ESYT3: variants seen among roughly 807,000 people sequenced by gnomAD.
ESYT3 encodes extended synaptotagmin-3.
ESYT3 carries 101 observed loss-of-function variants against 111.5 expected under a neutral mutation model. The ratio of observed to expected loss-of-function variants is 0.91; its 90% CI spans 0.77 to 1.07. The LOEUF (loss-of-function observed/expected upper bound fraction) is 1.07, where lower values mean the gene tolerates loss of function less well. Among genes scored for constraint, ESYT3 ranks in the 50% least tolerant of loss-of-function variants. The pLI is 0.00. For synonymous variants in ESYT3, 416 were observed against 446.8 expected (o/e 0.93, Z 0.87); for missense variants, 1,097 against 1,109.4 (o/e 0.99, Z 0.16).
intron 1 of ESYT3, among the ~76,000 whole-genome samples, chr3:138,443,674 C>T (rs149223413): frequency 2.4e-4 from 36 of 152,022 alleles, no homozygotes; most frequent in African/African-American, 8.7e-4. Flanking sequence ...TGTGAGTCTG[C>T]GGATGTGTCT....
At chr3:138,453,506 G>A (rs183746386) in intron 2 of ESYT3, among the ~76,000 whole-genome samples, 2 of 152,310 alleles carry the variant, frequency 1.3e-5, no homozygotes, top group East Asian at 3.9e-4. Flanking sequence ...AGAGAGATGG[G>A]AACAATGAGC....
At chr3:138,450,648 A>C (rs138204815) in intron 1 of ESYT3, among the ~76,000 whole-genome samples, 1 of 152,322 alleles carries the variant, frequency 6.6e-6, no homozygotes, top group East Asian at 1.9e-4. Flanking sequence ...CTGACCAATC[A>C]AGGCTGTTAA....
chr3:138,454,025 G>A (rs547489102), intron 2 of ESYT3, among the ~76,000 whole-genome samples: 1 of 152,208 alleles, frequency 6.6e-6, no homozygotes, highest in Non-Finnish European at 1.5e-5. Flanking sequence ...GACACGTCTG[G>A]TAATGTGAAA....
At position 138,440,225 on chromosome 3, in the gene ESYT3, G is replaced by T. The variant is rs1259514584; in HGVS notation, c.327+5100G>T. On this transcript the variant is annotated intron_variant, in intron 1 of 22. Coordinates refer to ENST00000389567, the MANE Select transcript of ESYT3 (RefSeq NM_031913.5). This position sits in a 1 kb window ranked among gnomAD's most constrained non-coding sequence, Gnocchi z 4.2. Reference sequence around the variant, plus strand: ...CAGAAGCAAGCACCAGGGGAAAAAGGTGAGCCGTTCACACAAAGCGATGGG... The same window carrying T: ...CAGAAGCAAGCACCAGGGGAAAAAGTTGAGCCGTTCACACAAAGCGATGGG... Among the ~76,000 whole-genome samples the T allele has an allele frequency of 2.6e-5, 4 of 152,322 alleles. No homozygotes were observed. The highest frequency in any genetic ancestry group is 2.1e-4 in the South Asian group (1 of 4,826).
chr3:138,451,709 G>A (rs1473989735), intron 1 of ESYT3, among the ~76,000 whole-genome samples: 2 of 152,218 alleles, frequency 1.3e-5, no homozygotes, highest in South Asian at 2.1e-4. Context: ...GGGTGAAACC[G>A]CGTGGAGTCC....
At chr3:138,466,989 CCT>C (rs1390918796) in intron 10 of ESYT3, among the ~76,000 whole-genome samples, 17 of 152,266 alleles carry the variant, frequency 1.1e-4, no homozygotes, top group African/African-American at 4.1e-4. Flanking sequence ...GACCCAAACA[CCT>C]CTCACTAGGC....
chr3:138,456,272 C>T (rs984209522), intron 3 of ESYT3, among the ~76,000 whole-genome samples: 2 of 152,224 alleles, frequency 1.3e-5, no homozygotes, highest in African/African-American at 4.8e-5. Flanking sequence ...TGTGGCTGCA[C>T]CCCTTCCTGT....
intron 1 of ESYT3, 143 bp from the exon 2 acceptor site, chr3:138,451,905 C>A: frequency 1.1e-6 from 1 of 878,050 alleles, no homozygotes; most frequent in Non-Finnish European, 1.8e-6. Flanking sequence ...GGAGAGCGCA[C>A]CTGTGACCGA....
intron 11 of ESYT3, 96 bp from the exon 12 acceptor site, chr3:138,468,009 C>T: frequency 9.2e-7 from 1 of 1,088,876 alleles, no homozygotes. Flanking sequence ...TTCCCTGTCC[C>T]TACTAGGATG....
At chr3:138,454,993 G>A (rs906638357) in intron 2 of ESYT3, among the ~76,000 whole-genome samples, 3 of 152,176 alleles carry the variant, frequency 2.0e-5, no homozygotes, top group African/African-American at 7.2e-5. Flanking sequence ...TGGGAACCAC[G>A]GCTGTAGTTA....
At chr3:138,466,931 A>G (rs923462377) in intron 10 of ESYT3, among the ~76,000 whole-genome samples, 2 of 152,064 alleles carry the variant, frequency 1.3e-5, no homozygotes, top group African/African-American at 4.8e-5. Flanking sequence ...GCATGAGCTC[A>G]TTACTGTGGG....
intron 5 of ESYT3, 150 bp downstream of exon 5, chr3:138,459,403 G>A (rs951776588): frequency 1.8e-6 from 1 of 569,728 alleles, no homozygotes; most frequent in African/African-American, 1.9e-5. Flanking sequence ...GTAGGCCTGA[G>A]GTCACATGGC....
At chr3:138,443,876 G>T (rs905061340) in intron 1 of ESYT3, among the ~76,000 whole-genome samples, 1 of 152,092 alleles carries the variant, frequency 6.6e-6, no homozygotes, top group Non-Finnish European at 1.5e-5. Context: ...AGAGGGTCTG[G>T]TGGCCCAAGC....
At chr3:138,473,724 C>A in intron 19 of ESYT3, 90 bp downstream of exon 19, 3 of 1,092,414 alleles carry the variant, frequency 2.7e-6, no homozygotes, top group Non-Finnish European at 4.1e-6. Context: ...GAAAAGGGCA[C>A]ATAGTCCCAA....
chr3:138,443,953 G>A (rs781081515), intron 1 of ESYT3, among the ~76,000 whole-genome samples: 1 of 152,282 alleles, frequency 6.6e-6, no homozygotes, highest in South Asian at 2.1e-4. Flanking sequence ...CCTTGGCTCC[G>A]ATGGGAGGCA....
intron 7 of ESYT3, among the ~76,000 whole-genome samples, chr3:138,460,903 A>G (rs1320720822): frequency 6.6e-6 from 1 of 152,164 alleles, no homozygotes; most frequent in African/African-American, 2.4e-5. Flanking sequence ...CACCACACCC[A>G]TGTAGTGGGC....
At chr3:138,469,233 C>G (rs1477480223) in intron 14 of ESYT3, 1 of 600,712 alleles carries the variant, frequency 1.7e-6, no homozygotes, top group Non-Finnish European at 2.9e-6. Context: ...TAACTTGGAA[C>G]TGCTTTCTGG....
Position 138,444,145 on chromosome 3 carries a change from A to C in ESYT3, c.328-7903A>C, listed in dbSNP as rs530729954. Among the ~76,000 whole-genome samples the C allele has an allele frequency of 3.3e-5, 5 of 152,310 alleles. No homozygotes were observed. The East Asian group carries it at 9.6e-4, about 29-fold the overall frequency. The stretch of plus-strand genomic sequence containing the variant: ...CTTTACCTCTTCTCTCTAAATTCTC[A>C]TCACCACTACTCCCTTGAAAATGCC... On this transcript the variant is annotated intron_variant, in intron 1 of 22. Coordinates refer to ENST00000389567, the MANE Select transcript of ESYT3 (RefSeq NM_031913.5).
chr3:138,476,378 C>T (rs753114653), intron 21 of ESYT3, 50 bp downstream of exon 21: 7 of 1,601,988 alleles, frequency 4.4e-6, no homozygotes, highest in Non-Finnish European at 2.6e-6. Flanking sequence ...ATCAATTCGC[C>T]TTATCCCAAT....
Sources: allele counts gnomAD v4.1 joint callset (sites outside exome capture counted in the v4.1 genomes callset), GRCh38; gene constraint gnomAD v4.1.1; non-coding constraint Gnocchi (gnomAD v3.1); transcripts MANE v1.5; gene names NCBI Gene and HGNC (gene_info 2026-07-23, HGNC 2026-07-21).